The following EYS variants were observed in gnomAD, a reference collection of about 807,000 sequenced individuals.
EYS encodes the protein EGF-like photoreceptor maintenance factor.
A neutral mutation model predicts 282.1 loss-of-function variants in EYS; 250 were observed. That is an observed-to-expected ratio of 0.89 (90% CI 0.80 to 0.98). EYS has a LOEUF of 0.98. EYS is among the 50% of genes least tolerant of loss of function. EYS has a pLI of 0.00. For synonymous variants in EYS, 1,355 were observed against 1,282.9 expected (o/e 1.06, Z -1.20); for missense variants, 4,016 against 3,709.0 (o/e 1.08, Z -2.15).
chr6:64,986,548 A>G (rs1235490080), intron 14 of EYS, among the ~76,000 whole-genome samples: 1 of 149,704 alleles, frequency 6.7e-6, no homozygotes, highest in Non-Finnish European at 1.5e-5. Context: ...AATGTTTCCC[A>G]GATATCTACA....
chr6:63,941,977 T>G (rs1306719301), intron 35 of EYS, among the ~76,000 whole-genome samples: 1 of 152,216 alleles, frequency 6.6e-6, no homozygotes, highest in Admixed American at 6.5e-5. Flanking sequence ...TTTTGAACAA[T>G]GCCGTTAGCC....
At chr6:65,343,990 T>C in intron 10 of EYS, 48 bp downstream of exon 10, 2 of 1,527,164 alleles carry the variant, frequency 1.3e-6, no homozygotes. Flanking sequence ...ATCAGACAAT[T>C]ACAAGCTAAA....
intron 22 of EYS, among the ~76,000 whole-genome samples, chr6:64,739,139 A>C (rs1164526707): frequency 6.6e-6 from 1 of 152,164 alleles, no homozygotes; most frequent in Non-Finnish European, 1.5e-5. Context: ...TCAGACAATC[A>C]AATACTCTTT....
chr6:64,524,701 C>T (rs1777861539), intron 26 of EYS, among the ~76,000 whole-genome samples: 1 of 151,774 alleles, frequency 6.6e-6, no homozygotes, highest in South Asian at 2.1e-4. Flanking sequence ...AGCCAGTTAT[C>T]CCATCACCAT....
intron 28 of EYS, among the ~76,000 whole-genome samples, chr6:64,417,969 G>A (rs1204314743): frequency 2.0e-5 from 3 of 152,146 alleles, no homozygotes; most frequent in East Asian, 3.8e-4. Context: ...ACTGCGCCTG[G>A]CCTACGGTCT....
chr6:63,991,055 C>T (rs1413471557), intron 34 of EYS, among the ~76,000 whole-genome samples: 3 of 151,610 alleles, frequency 2.0e-5, no homozygotes. Context: ...GAGAGATGGG[C>T]AGCTTGTGGC....
intron 2 of EYS, among the ~76,000 whole-genome samples, chr6:65,598,103 AAAAAC>A (rs1165256704): frequency 9.6e-5 from 14 of 146,100 alleles, no homozygotes; most frequent in East Asian, 2.1e-4. Flanking sequence ...TTGTCAAAAC[AAAAAC>A]AAAACAAAAC....
chr6:64,738,454 T>G (rs966135823), intron 22 of EYS, among the ~76,000 whole-genome samples: 1 of 152,194 alleles, frequency 6.6e-6, no homozygotes, highest in African/African-American at 2.4e-5. Flanking sequence ...GGTGCAGAAC[T>G]GTGAGCCAAA....
chr6:65,080,730 G>T (rs1413592088), intron 12 of EYS, among the ~76,000 whole-genome samples: 3 of 151,884 alleles, frequency 2.0e-5, no homozygotes, highest in African/African-American at 4.8e-5. Flanking sequence ...TAAAAAAAAA[G>T]AAATGAAAAT....
intron 22 of EYS, among the ~76,000 whole-genome samples, chr6:64,657,638 T>C (rs538626421): frequency 1.8e-4 from 28 of 152,288 alleles, no homozygotes; most frequent in African/African-American, 6.7e-4. Flanking sequence ...GGATATGAAA[T>C]TCTGGGTTGA....
chr6:64,092,222 G>A (rs1436898776), intron 31 of EYS, among the ~76,000 whole-genome samples: 1 of 152,174 alleles, frequency 6.6e-6, no homozygotes, highest in African/African-American at 2.4e-5. Flanking sequence ...ACGTGTGCAT[G>A]TGTCTTTATA....
chr6:64,086,404 T>TGA (rs1368807716), intron 31 of EYS, among the ~76,000 whole-genome samples: 2 of 152,184 alleles, frequency 1.3e-5, no homozygotes, highest in Non-Finnish European at 2.9e-5. Flanking sequence ...CATAATTACC[T>TGA]GAGACCTTTG....
At chr6:64,536,672 T>A (rs2149796531) in intron 26 of EYS, among the ~76,000 whole-genome samples, 1 of 152,194 alleles carries the variant, frequency 6.6e-6, no homozygotes, top group African/African-American at 2.4e-5. Flanking sequence ...GAACCATTCA[T>A]ATAGTTATAA....
At chr6:65,529,623 C>T (rs938220473) in intron 2 of EYS, among the ~76,000 whole-genome samples, 1 of 152,162 alleles carries the variant, frequency 6.6e-6, no homozygotes, top group African/African-American at 2.4e-5. Flanking sequence ...ATCAACCAGC[C>T]TGATAACACA....
chr6:64,383,817 T>C (rs1772823958), intron 29 of EYS, among the ~76,000 whole-genome samples: 1 of 152,192 alleles, frequency 6.6e-6, no homozygotes, highest in Non-Finnish European at 1.5e-5. Context: ...TTCAATGGTG[T>C]GTTTTAATTT....
chr6:65,540,222 A>C (rs775392744), intron 2 of EYS, among the ~76,000 whole-genome samples: 5 of 152,158 alleles, frequency 3.3e-5, no homozygotes, highest in African/African-American at 4.8e-5. Flanking sequence ...TACCAAGCAC[A>C]TTGTATTCTA....
chr6:64,540,131 A>G (rs1367096137), intron 26 of EYS, among the ~76,000 whole-genome samples: 1 of 152,180 alleles, frequency 6.6e-6, no homozygotes, highest in Non-Finnish European at 1.5e-5. Flanking sequence ...TTCCAGATAA[A>G]AAAGCTGCTG....
chr6:64,470,477 C>T (rs572814264), intron 26 of EYS, among the ~76,000 whole-genome samples: 3 of 152,146 alleles, frequency 2.0e-5, no homozygotes, highest in South Asian at 2.1e-4. Flanking sequence ...ATGAAAAATA[C>T]AATCAAGATC....
chr6:64,332,185 G>A (rs895503045), intron 29 of EYS, among the ~76,000 whole-genome samples: 6 of 152,180 alleles, frequency 3.9e-5, no homozygotes, highest in Non-Finnish European at 2.9e-5. Context: ...GGTGCTGCCC[G>A]TGGTCCTTCT....
Sources: gnomAD v4.1 joint callset for allele counts (sites outside exome capture counted in the v4.1 genomes callset) on GRCh38, gnomAD v4.1.1 for gene constraint, MANE v1.5 for transcripts, NCBI Gene and HGNC (gene_info 2026-07-23, HGNC 2026-07-21) for gene names.